Variants in ASTN1 observed in about 807,000 individuals in gnomAD.
The protein encoded by ASTN1 is astrotactin 1, also known as astrotactin-1.
ASTN1 carries 41 observed loss-of-function variants against 140.7 expected under a neutral mutation model. The observed-to-expected ratio is 0.29, with a 90% confidence interval of 0.23 to 0.38. The LOEUF (loss-of-function observed/expected upper bound fraction) is 0.38, where lower values mean the gene tolerates loss of function less well. ASTN1 is among the 10% of genes least tolerant of loss of function. The probability of loss-of-function intolerance (pLI) is 1.00; values close to 1 mark genes in which losing one functional copy is unlikely to be tolerated. For missense variants in ASTN1, 1,479 were observed against 1,678.8 expected (o/e 0.88, Z 2.08); for synonymous variants, 640 against 652.2 (o/e 0.98, Z 0.29).
chr1:177,154,506 T>C (rs569330960), intron 1 of ASTN1, among the ~76,000 whole-genome samples: 2 of 152,260 alleles, frequency 1.3e-5, no homozygotes, highest in South Asian at 2.1e-4. Flanking sequence ...GAAATCCCTA[T>C]TGGACAGTGC....
chr1:177,128,071 C>T (rs1311380485), intron 1 of ASTN1, among the ~76,000 whole-genome samples: 1 of 152,106 alleles, frequency 6.6e-6, no homozygotes. Flanking sequence ...GGGGCTTCAT[C>T]TTTTCTTAAT....
Position 176,867,919 on chromosome 1 carries a change from T to TTTCCTTCC in ASTN1, c.3647+917_3647+924dup, listed in dbSNP as rs57237203. Among the ~76,000 whole-genome samples the TTTCCTTCC allele has an allele frequency of 6.6e-3, 991 of 150,842 alleles. 11 individuals are homozygous for TTTCCTTCC. The highest frequency in any genetic ancestry group is 0.022 in the African/African-American group (902 of 41,140). ...GATTCTATAGTGTTGATTTTCTTCA[T>TTTCCTTCC]TTCCTTCCTTCCTTCCTTCCTTCCT... On this transcript the variant is annotated intron_variant, in intron 22 of 22. Coordinates refer to ENST00000361833, the MANE Select transcript of ASTN1 (RefSeq NM_004319.3).
chr1:176,869,085 A>G (rs1668238653), intron 21 of ASTN1, 58 bp from the exon 22 acceptor site: 1 of 1,196,552 alleles, frequency 8.4e-7, no homozygotes, highest in Non-Finnish European at 1.1e-6. Context: ...ATGTATATAT[A>G]TACACACATT....
chr1:176,958,515 C>T, intron 9 of ASTN1, 33 bp from the exon 10 acceptor site: 1 of 1,584,914 alleles, frequency 6.3e-7, no homozygotes, highest in Non-Finnish European at 8.6e-7. Flanking sequence ...GTGGTCATGA[C>T]TGGGGGCATA....
chr1:176,945,988 GA>G lies in ASTN1; in HGVS notation c.2186del (p.Phe729SerfsTer17). 1 of 1,614,072 alleles carries G rather than the reference GA, an allele frequency of 6.2e-7. No homozygotes were observed. Among genetic ancestry groups the G allele is most frequent in the Non-Finnish European group, 8.5e-7 (1 of 1,179,970 alleles). On this transcript the variant is annotated frameshift_variant, in exon 13 of 23. Coordinates refer to ENST00000361833, the MANE Select transcript of ASTN1 (RefSeq NM_004319.3). LOFTEE classifies it high-confidence loss of function. ...CCTTGGAATGGTTGTTGTAACCAAA[GA>G]ACATCTCCCCAAAGAGGGTCTGGTT... ...PMNQTLFGEMFFGYNNHSKEV... is the reference protein window; with the variant it reads ...PMNQTLFGEMXFGYNNHSKEV...
chr1:176,862,039 T>C lies in ASTN1; in HGVS notation c.*2245A>G. 1 of 985,412 alleles carries C rather than the reference T, an allele frequency of 1.0e-6. No homozygotes were observed. Among genetic ancestry groups the C allele is most frequent in the African/African-American group, 1.7e-5 (1 of 57,348 alleles). 61.0% of individuals were successfully genotyped at this position (985,412 alleles called of 1,614,324 possible). A position where few individuals can be genotyped will look rare whatever the true frequency, so the allele number is the denominator to read the frequency against. On this transcript the variant is annotated 3_prime_UTR_variant, in exon 23 of 23. Coordinates refer to ENST00000361833, the MANE Select transcript of ASTN1 (RefSeq NM_004319.3). ...CTTAAAACACCGTGTTCTGCACAGA[T>C]ATGAATAGAAGGATGGCAAAACAGT...
intron 1 of ASTN1, among the ~76,000 whole-genome samples, chr1:177,160,941 G>A (rs978033039): frequency 6.6e-6 from 1 of 152,180 alleles, no homozygotes; most frequent in Admixed American, 6.5e-5. Flanking sequence ...GTATCTGTGA[G>A]AAGTATAGCA....
At chr1:176,883,663 T>C (rs1260917904) in intron 19 of ASTN1, among the ~76,000 whole-genome samples, 1 of 152,176 alleles carries the variant, frequency 6.6e-6, no homozygotes, top group African/African-American at 2.4e-5. Flanking sequence ...TAACCCTCAG[T>C]GGCAGGCTCA....
chr1:176,982,425 C>T (rs1405297139), intron 8 of ASTN1, among the ~76,000 whole-genome samples: 1 of 152,154 alleles, frequency 6.6e-6, no homozygotes, highest in African/African-American at 2.4e-5. Flanking sequence ...CGTGCATCAC[C>T]TGGAGGGCTT....
chr1:177,094,352 C>A (rs1558090710), intron 1 of ASTN1, among the ~76,000 whole-genome samples: 2 of 152,146 alleles, frequency 1.3e-5, no homozygotes, highest in Admixed American at 6.5e-5. Flanking sequence ...ATGCACAGGG[C>A]AGTTTTAAGT....
chr1:177,088,467 G>A (rs1417732666), intron 1 of ASTN1, among the ~76,000 whole-genome samples: 2 of 152,126 alleles, frequency 1.3e-5, no homozygotes, highest in East Asian at 1.9e-4. Flanking sequence ...CCATGTGCCC[G>A]ACTGGATACT....
intron 14 of ASTN1, among the ~76,000 whole-genome samples, chr1:176,942,974 C>T (rs1365684443): frequency 2.7e-5 from 4 of 149,872 alleles, no homozygotes; most frequent in African/African-American, 7.3e-5. Flanking sequence ...GGTGCACGTC[C>T]TCAACCTTGG....
rs1192773448 is a variant in ASTN1 at position 176,957,791 on chromosome 1, C to G, written c.1774G>C (p.Glu592Gln). Residue 592 changes from glutamate to glutamine, a missense_variant, in exon 11 of 23, where the codon GAG (glutamate) becomes CAG (glutamine). By Grantham distance (29) the Glu-to-Gln change is conservative. Transcript: ENST00000361833. ...GGCCCAAAGGAATCTAAGAGAACCTCCAGGCTGTCGAAGGAGGATGAAGTC... is the reference window on the plus strand; with the variant it reads ...GGCCCAAAGGAATCTAAGAGAACCTGCAGGCTGTCGAAGGAGGATGAAGTC... ...LMTSSSFDSL[E>Q]VLLDSFGPVR... 1 of 1,614,040 alleles carries G rather than the reference C, an allele frequency of 6.2e-7. No individual in the cohort carries two copies. The highest frequency in any genetic ancestry group is 1.7e-5 in the Admixed American group (1 of 60,010).
intron 16 of ASTN1, among the ~76,000 whole-genome samples, chr1:176,927,510 A>G (rs1470141826): frequency 1.3e-5 from 2 of 152,222 alleles, no homozygotes; most frequent in African/African-American, 2.4e-5. Context: ...GTTACAATTA[A>G]ACCCCTGAAA....
intron 1 of ASTN1, among the ~76,000 whole-genome samples, chr1:177,070,890 C>T (rs1292051047): frequency 6.6e-6 from 1 of 152,174 alleles, no homozygotes; most frequent in South Asian, 2.1e-4. Context: ...AAGTGCTTAG[C>T]AGTACCTGGA....
At chr1:176,885,761 C>T (rs1050437425) in intron 18 of ASTN1, among the ~76,000 whole-genome samples, 13 of 152,138 alleles carry the variant, frequency 8.5e-5, no homozygotes, top group Admixed American at 8.5e-4. Context: ...ACAAGCCCAT[C>T]CCAGTCCCTT....
intron 16 of ASTN1, among the ~76,000 whole-genome samples, chr1:176,912,304 T>G (rs1395233953): frequency 6.6e-6 from 1 of 152,240 alleles, no homozygotes; most frequent in Non-Finnish European, 1.5e-5. Context: ...CAAACACAGC[T>G]ATGGGTATTA....
At chr1:177,066,996 G>A (rs1678393522) in intron 1 of ASTN1, among the ~76,000 whole-genome samples, 1 of 152,112 alleles carries the variant, frequency 6.6e-6, no homozygotes, top group Non-Finnish European at 1.5e-5. Context: ...GGTTGAGGTT[G>A]ACACTCCCTG....
intron 20 of ASTN1, among the ~76,000 whole-genome samples, chr1:176,881,213 C>T (rs1334799118): frequency 6.6e-6 from 1 of 152,166 alleles, no homozygotes; most frequent in Non-Finnish European, 1.5e-5. Flanking sequence ...TCCTTAGCCC[C>T]CTGCATTGGC....
Sources: gnomAD v4.1 joint callset for allele counts (sites outside exome capture counted in the v4.1 genomes callset) on GRCh38, gnomAD v4.1.1 for gene constraint, MANE v1.5 for transcripts, NCBI Gene and HGNC (gene_info 2026-07-23, HGNC 2026-07-21) for gene names.